The following KAZN variants were observed in gnomAD, a reference collection of about 807,000 sequenced individuals.
KAZN encodes the protein kazrin, periplakin interacting protein, also known as kazrin.
Under a neutral mutation model 87.4 loss-of-function variants are expected in KAZN, and 40 were observed. That is an observed-to-expected ratio of 0.46 (90% confidence interval 0.36 to 0.60). The LOEUF is 0.60. Ranked by LOEUF, KAZN falls within the 20% of genes least tolerant of loss-of-function variation. KAZN has a pLI of 0.00. For synonymous variants in KAZN, 466 were observed against 458.3 expected, an observed-to-expected ratio of 1.02 and a Z score of -0.22; for missense variants, 898 against 1,073.9, an observed-to-expected ratio of 0.84 and a Z score of 2.29.
intron 1 of KAZN, among the ~76,000 whole-genome samples, chr1:14,858,271 G>A (rs1413770427): frequency 7.2e-6 from 1 of 138,988 alleles, no homozygotes; most frequent in Non-Finnish European, 1.5e-5. Context: ...GGAGTGCAGT[G>A]GTGCCATCTT....
chr1:14,422,715 G>C (rs1665504982), intron 2 of KAZN, among the ~76,000 whole-genome samples: 1 of 152,172 alleles, frequency 6.6e-6, no homozygotes, highest in East Asian at 1.9e-4. Flanking sequence ...GCTCATCCCT[G>C]GTAAACTTCT....
chr1:14,171,852 G>A (rs1300737053), intron 1 of KAZN, among the ~76,000 whole-genome samples: 4 of 152,146 alleles, frequency 2.6e-5, no homozygotes, highest in Admixed American at 2.0e-4. Flanking sequence ...TACTTCATCT[G>A]ATCCATAAGA....
At chr1:14,361,883 C>T (rs1659546644) in intron 2 of KAZN, among the ~76,000 whole-genome samples, 1 of 152,240 alleles carries the variant, frequency 6.6e-6, no homozygotes, top group Non-Finnish European at 1.5e-5. Flanking sequence ...GGAAGACCCA[C>T]TGCCATAAGA....
At position 14,787,943 on chromosome 1, in the gene KAZN, T is replaced by C. The variant is rs540357057; in HGVS notation, c.227-172741T>C. On this transcript the variant is annotated intron_variant, in intron 1 of 14. Coordinates refer to ENST00000376030, the MANE Select transcript of KAZN (RefSeq NM_201628.3). ...GAAAGATCAGTCAGACTTAGGACCA[T>C]GTCAGTGGCCCCAGAAGAAAACCAA... is the stretch of plus-strand genomic sequence containing the variant. 6.9e-4 allele frequency among the ~76,000 whole-genome samples: 105 copies of C among 152,288 alleles called. 1 individual carries two copies. Among genetic ancestry groups the C allele is most frequent in the African/African-American group, 2.4e-3 (101 of 41,558 alleles).
At chr1:14,530,111 T>C (rs1271641100) in intron 2 of KAZN, among the ~76,000 whole-genome samples, 1 of 152,146 alleles carries the variant, frequency 6.6e-6, no homozygotes, top group Non-Finnish European at 1.5e-5. Context: ...CCAGTGATCC[T>C]GAACGGAAAC....
At chr1:14,455,570 T>C (rs193297772) in intron 2 of KAZN, among the ~76,000 whole-genome samples, 2 of 152,332 alleles carry the variant, frequency 1.3e-5, no homozygotes, top group Admixed American at 1.3e-4. Flanking sequence ...AATTTTGACA[T>C]ATTTGCATGA....
In KAZN at chr1:13,972,558, T is replaced by A. The variant is rs572291368; in HGVS notation, c.91+78802T>A. 3.3e-5 allele frequency among the ~76,000 whole-genome samples: 5 copies of A among 152,300 alleles called. No homozygotes were observed. In the South Asian group the frequency reaches 1.0e-3, roughly 32 times the overall value. On this transcript the variant is annotated intron_variant, in intron 1 of 16. Coordinates refer to the KAZN transcript ENST00000636203. The stretch of plus-strand genomic sequence containing the variant: ...CATGATTGGGTCTGTATTATTTCTA[T>A]AACACCAGGATTAACAAGCTGCTGG...
Position 15,094,699 on chromosome 1 carries a change from G to C in KAZN, c.1429-116G>C. On this transcript the variant is annotated intron_variant, in intron 9 of 14. Coordinates refer to ENST00000376030, the MANE Select transcript of KAZN (RefSeq NM_201628.3). This position sits in a 1 kb window ranked among gnomAD's most constrained non-coding sequence, Gnocchi z 4.5. ...GGTTTCCATGTGCCCTGACCCCACT[G>C]TATGAAAGGTGGGCAGGAGATGGGG... The C allele has an allele frequency of 1.4e-6, 1 of 734,110 alleles. No homozygotes were observed. The highest frequency in any genetic ancestry group is 2.3e-6 in the Non-Finnish European group (1 of 442,684). 45.5% of individuals were successfully genotyped at this position (734,110 alleles called of 1,614,324 possible). A position where few individuals can be genotyped will look rare whatever the true frequency, so the allele number is the denominator to read the frequency against.
At chr1:14,841,912 G>C (rs1648066208) in intron 1 of KAZN, among the ~76,000 whole-genome samples, 1 of 152,102 alleles carries the variant, frequency 6.6e-6, no homozygotes, top group Non-Finnish European at 1.5e-5. Context: ...ACTCATCCAG[G>C]CTAGCTGTGC....
At chr1:14,709,893 C>A (rs1642398032) in intron 1 of KAZN, among the ~76,000 whole-genome samples, 1 of 152,004 alleles carries the variant, frequency 6.6e-6, no homozygotes, top group Non-Finnish European at 1.5e-5. Context: ...AAAACAAGGC[C>A]CAGAGAGGTT....
intron 2 of KAZN, among the ~76,000 whole-genome samples, chr1:14,521,429 A>C (rs1671582352): frequency 6.6e-6 from 1 of 152,224 alleles, no homozygotes; most frequent in South Asian, 2.1e-4. Context: ...TAAAAACAGA[A>C]AAAGGTAAAT....
At chr1:14,737,743 T>C (rs933727498) in intron 1 of KAZN, among the ~76,000 whole-genome samples, 1 of 152,158 alleles carries the variant, frequency 6.6e-6, no homozygotes, top group East Asian at 1.9e-4. Flanking sequence ...TTTGCAGCTG[T>C]AAGACTGAGG....
intron 14 of KAZN, chr1:15,112,886 C>T (rs1641701819): frequency 4.6e-6 from 1 of 217,720 alleles, no homozygotes; most frequent in Non-Finnish European, 9.4e-6. Flanking sequence ...GAGGGGGATC[C>T]TGCATTCAGC....
chr1:15,030,429 G>A (rs964385438), intron 2 of KAZN, among the ~76,000 whole-genome samples: 12 of 152,056 alleles, frequency 7.9e-5, no homozygotes, highest in Admixed American at 2.0e-4. Flanking sequence ...CACCACGCCC[G>A]GCTAATTTTT....
At position 14,155,082 on chromosome 1, in the gene KAZN, A is replaced by C. The variant is rs75594360; in HGVS notation, c.92-25353A>C. ...GTTTGGAAGTATTCCCTCTTCCTCT[A>C]GGTTTTTCGAATAGTTGGAGTATGA... On this transcript the variant is annotated intron_variant, in intron 1 of 16. Coordinates refer to the KAZN transcript ENST00000636203. Among the ~76,000 whole-genome samples the C allele has an allele frequency of 3.9e-3, 588 of 151,808 alleles. 1 individual carries two copies. Among genetic ancestry groups the C allele is most frequent in the African/African-American group, 0.014 (562 of 41,324 alleles).
At chr1:14,168,493 G>A (rs1645880612) in intron 1 of KAZN, among the ~76,000 whole-genome samples, 1 of 152,194 alleles carries the variant, frequency 6.6e-6, no homozygotes, top group Non-Finnish European at 1.5e-5. Context: ...TCAGGGCTGT[G>A]TTCCATTAGA....
At chr1:14,916,926 A>AT (rs57587914) in intron 1 of KAZN, among the ~76,000 whole-genome samples, 2 of 149,800 alleles carry the variant, frequency 1.3e-5, no homozygotes, top group East Asian at 1.9e-4. Flanking sequence ...AAAAAAAAAA[A>AT]TTTAACTTGG....
At chr1:14,685,144 C>T (rs765144231) in intron 1 of KAZN, among the ~76,000 whole-genome samples, 2 of 152,150 alleles carry the variant, frequency 1.3e-5, no homozygotes, top group Non-Finnish European at 2.9e-5. Flanking sequence ...AGTAGGGCCT[C>T]AGGAAAGTGA....
chr1:14,354,669 CA>C, intron 2 of KAZN, among the ~76,000 whole-genome samples: 1 of 151,684 alleles, frequency 6.6e-6, no homozygotes, highest in Non-Finnish European at 1.5e-5. Context: ...CACACACACA[CA>C]CACACACACA....
Sources: allele counts gnomAD v4.1 joint callset (sites outside exome capture counted in the v4.1 genomes callset), GRCh38; gene constraint gnomAD v4.1.1; non-coding constraint Gnocchi (gnomAD v3.1); transcripts MANE v1.5; gene names NCBI Gene and HGNC (gene_info 2026-07-23, HGNC 2026-07-21).